Variants in TBPL1 observed in about 807,000 individuals in gnomAD.
The protein encoded by TBPL1 is TATA box-binding protein-like 1.
Under a neutral mutation model 22.1 loss-of-function variants are expected in TBPL1, and 4 were observed. The observed-to-expected ratio is 0.18, with a 90% confidence interval of 0.09 to 0.41. The LOEUF is 0.41. Ranked by LOEUF, TBPL1 falls within the 10% of genes least tolerant of loss-of-function variation. The probability of loss-of-function intolerance (pLI) is 1.00; values close to 1 mark genes in which losing one functional copy is unlikely to be tolerated. For synonymous variants in TBPL1, 64 were observed against 71.0 expected (o/e 0.90, Z 0.50); for missense variants, 115 against 222.3 (o/e 0.52, Z 3.07).
At chr6:133,964,247 T>C (rs1457040568) in intron 1 of TBPL1, among the ~76,000 whole-genome samples, 1 of 152,188 alleles carries the variant, frequency 6.6e-6, no homozygotes, top group African/African-American at 2.4e-5. Context: ...TCTGTGTTTA[T>C]CCTTTTTGAG....
At chr6:133,967,762 CTG>C (rs749232416) in intron 1 of TBPL1, among the ~76,000 whole-genome samples, 1 of 152,188 alleles carries the variant, frequency 6.6e-6, no homozygotes, top group Non-Finnish European at 1.5e-5. Context: ...CAGCACATGA[CTG>C]TGTTTGAAAA....
chr6:133,967,255 G>A (rs1007037695), intron 1 of TBPL1, among the ~76,000 whole-genome samples: 1 of 152,200 alleles, frequency 6.6e-6, no homozygotes, highest in Non-Finnish European at 1.5e-5. Context: ...GAATGAAGGT[G>A]ATGCTCAGCT....
rs79854979 is a variant in TBPL1, at chr6:133,962,902, A to G, written c.-45+9477A>G. ...CAGTTAAGAACTTCTGATTTAAGGA[A>G]CAGACAGAGAAGTATATGAGATGGG... On this transcript the variant is annotated intron_variant, in intron 1 of 6. Coordinates refer to ENST00000237264, the MANE Select transcript of TBPL1 (RefSeq NM_004865.4). Among the ~76,000 whole-genome samples the G allele has an allele frequency of 3.2e-3, 489 of 152,328 alleles. 1 individual carries two copies. Among genetic ancestry groups the G allele is most frequent in the African/African-American group, 0.01 (425 of 41,574 alleles).
chr6:133,980,024 G>T, intron 1 of TBPL1, 58 bp from the exon 2 acceptor site: 1 of 1,216,722 alleles, frequency 8.2e-7, no homozygotes, highest in Non-Finnish European at 1.1e-6. Context: ...TTTCAAAATT[G>T]TGAAAAGTGA....
intron 1 of TBPL1, among the ~76,000 whole-genome samples, chr6:133,955,647 T>G (rs1449251428): frequency 1.3e-5 from 2 of 152,174 alleles, no homozygotes; most frequent in Admixed American, 1.3e-4. Flanking sequence ...TAAGGTATAT[T>G]AAAATTTTTG....
chr6:133,955,588 A>G (rs1039485989), intron 1 of TBPL1, among the ~76,000 whole-genome samples: 2 of 152,122 alleles, frequency 1.3e-5, no homozygotes, highest in Admixed American at 1.3e-4. Context: ...TTGGTTGTGA[A>G]TACAACAGGT....
At chr6:133,976,825 A>C (rs1314874771) in intron 1 of TBPL1, among the ~76,000 whole-genome samples, 1 of 152,096 alleles carries the variant, frequency 6.6e-6, no homozygotes. Context: ...TGTCTCTACT[A>C]AAAATACAAA....
At chr6:133,983,797 C>T (rs1776458316) in intron 4 of TBPL1, among the ~76,000 whole-genome samples, 1 of 152,170 alleles carries the variant, frequency 6.6e-6, no homozygotes, top group Admixed American at 6.5e-5. Flanking sequence ...GCATTATTTT[C>T]AGCCTTGGAA....
At chr6:133,962,071 A>G (rs140243814) in intron 1 of TBPL1, among the ~76,000 whole-genome samples, 1 of 152,278 alleles carries the variant, frequency 6.6e-6, no homozygotes, top group African/African-American at 2.4e-5. Context: ...AGGACGATTT[A>G]GGCAGCTATA....
chr6:133,981,135 G>C lies in TBPL1; in HGVS notation c.135+875G>C, dbSNP rs148579068. 6.1e-3 allele frequency among the ~76,000 whole-genome samples: 922 copies of C among 151,996 alleles called. 9 individuals are homozygous for C. Among genetic ancestry groups the C allele is most frequent in the African/African-American group, 0.022 (903 of 41,466 alleles). ...TTACAGGTGCACACCACCACGCTCAGCTAATTTTTGTATTTTTAGTAGAGA... is the reference window on the plus strand; with the variant it reads ...TTACAGGTGCACACCACCACGCTCACCTAATTTTTGTATTTTTAGTAGAGA... On this transcript the variant is annotated intron_variant, in intron 2 of 6. Coordinates refer to ENST00000237264, the MANE Select transcript of TBPL1 (RefSeq NM_004865.4).
At position 133,988,742 on chromosome 6, in the gene TBPL1, A is replaced by G. The variant is rs1776575053; in HGVS notation, c.*1702A>G. 1 of 152,012 alleles carries G rather than the reference A, an allele frequency of 6.6e-6. No individual in the cohort carries two copies. The highest frequency in any genetic ancestry group is 1.5e-5 in the Non-Finnish European group (1 of 68,004). The allele number at this position is 152,012 out of a possible 1,614,324, so 9.4% of individuals were successfully genotyped here. ...TATTTTTCCTTTTTTTTAAAAAAAA[A>G]GTGTTTATTTCCTTTATTTTAAGAT... On this transcript the variant is annotated 3_prime_UTR_variant, in exon 7 of 7. Coordinates refer to ENST00000237264, the MANE Select transcript of TBPL1 (RefSeq NM_004865.4).
At chr6:133,971,645 A>T (rs572083386) in intron 1 of TBPL1, among the ~76,000 whole-genome samples, 1 of 152,002 alleles carries the variant, frequency 6.6e-6, no homozygotes, top group Admixed American at 6.5e-5. Flanking sequence ...GTGAGGTGGT[A>T]TCTCATTGTG....
chr6:133,966,316 A>G (rs992511861), intron 1 of TBPL1, among the ~76,000 whole-genome samples: 2 of 152,202 alleles, frequency 1.3e-5, no homozygotes, highest in Non-Finnish European at 2.9e-5. Flanking sequence ...ACATTTTACC[A>G]TAGTTTGTAG....
chr6:133,986,894 A>G (rs780868446), intron 6 of TBPL1, 67 bp from the exon 7 acceptor site: 5 of 1,116,188 alleles, frequency 4.5e-6, no homozygotes, highest in Non-Finnish European at 6.4e-6. Context: ...AATTCTGGAA[A>G]ATCAGTTTTT....
At chr6:133,980,541 A>T (rs554773696) in intron 2 of TBPL1, among the ~76,000 whole-genome samples, 2 of 152,174 alleles carry the variant, frequency 1.3e-5, no homozygotes, top group East Asian at 3.9e-4. Context: ...GGACCTTTAT[A>T]TTCGCACATG....
chr6:133,961,621 C>G (rs187054882), intron 1 of TBPL1, among the ~76,000 whole-genome samples: 1 of 151,946 alleles, frequency 6.6e-6, no homozygotes, highest in African/African-American at 2.4e-5. Flanking sequence ...GTGCACATCA[C>G]CATGCCCGAC....
intron 1 of TBPL1, among the ~76,000 whole-genome samples, chr6:133,971,000 A>G (rs962030133): frequency 2.0e-5 from 3 of 152,182 alleles, no homozygotes; most frequent in African/African-American, 7.2e-5. Flanking sequence ...ACTGTTCACC[A>G]TGGTCACCCT....
intron 1 of TBPL1, among the ~76,000 whole-genome samples, chr6:133,977,589 T>C (rs901771751): frequency 1.1e-4 from 16 of 152,218 alleles, no homozygotes; most frequent in Non-Finnish European, 1.5e-5. Flanking sequence ...AATTTGATAG[T>C]TGATTCGCAT....
chr6:133,971,431 G>C lies in TBPL1; in HGVS notation c.-44-8651G>C, dbSNP rs934877458. Among the ~76,000 whole-genome samples the C allele has an allele frequency of 3.3e-5, 5 of 152,282 alleles. No individual in the cohort carries two copies. In the East Asian group the frequency reaches 9.6e-4, roughly 29 times the overall value. Reference sequence around the variant, plus strand: ...TTCATTTTCTTTGGATATGTATTCAGCAGTGGGATTGCTGGATCATGTGGT... The same window carrying C: ...TTCATTTTCTTTGGATATGTATTCACCAGTGGGATTGCTGGATCATGTGGT... On this transcript the variant is annotated intron_variant, in intron 1 of 6. Transcript: ENST00000237264.
Sources: allele counts gnomAD v4.1 joint callset (sites outside exome capture counted in the v4.1 genomes callset), GRCh38; gene constraint gnomAD v4.1.1; transcripts MANE v1.5; gene names NCBI Gene and HGNC (gene_info 2026-07-23, HGNC 2026-07-21).